The following PITPNM2 variants were observed in gnomAD, a reference collection of about 807,000 sequenced individuals.
PITPNM2 encodes membrane-associated phosphatidylinositol transfer protein 2.
PITPNM2 carries 35 observed loss-of-function variants against 132.2 expected under a neutral mutation model. The observed-to-expected ratio is 0.26, with a 90% CI of 0.20 to 0.35. The LOEUF (loss-of-function observed/expected upper bound fraction) is 0.35. Among genes scored for constraint, PITPNM2 ranks in the 10% least tolerant of loss-of-function variants. The probability of loss-of-function intolerance (pLI) is 1.00; values close to 1 mark genes in which losing one functional copy is unlikely to be tolerated. For missense variants in PITPNM2, 1,332 were observed against 1,912.0 expected, an observed-to-expected ratio of 0.70 and a Z score of 5.66; for synonymous variants, 738 against 799.2, an observed-to-expected ratio of 0.92 and a Z score of 1.29.
At chr12:123,151,201 G>A (rs1449467313), upstream of PITPNM2, among the ~76,000 whole-genome samples, 6 of 146,552 alleles carry the variant, frequency 4.1e-5, no homozygotes, top group Non-Finnish European at 7.6e-5. Context: ...GCGGAGTCTC[G>A]GCCCGGCCCC....
chr12:123,120,812 A>C (rs903067437), intron 1 of PITPNM2, among the ~76,000 whole-genome samples: 3 of 152,178 alleles, frequency 2.0e-5, no homozygotes, highest in Non-Finnish European at 2.9e-5. Flanking sequence ...ATGTCATTCT[A>C]AACAAACATC....
intron 20 of PITPNM2, 62 bp downstream of exon 20, chr12:122,988,172 T>C (rs930005076): frequency 2.1e-6 from 3 of 1,411,402 alleles, no homozygotes; most frequent in Non-Finnish European, 3.0e-6. Flanking sequence ...TTTCCTCATC[T>C]GGACACGGAG....
intron 1 of PITPNM2, among the ~76,000 whole-genome samples, chr12:123,131,620 C>T: frequency 6.6e-6 from 1 of 152,214 alleles, no homozygotes; most frequent in East Asian, 1.9e-4. Flanking sequence ...AGTCTGGTTC[C>T]ATCTGGAATC....
chr12:123,050,051 G>A (rs916373579), intron 2 of PITPNM2, among the ~76,000 whole-genome samples: 4 of 152,222 alleles, frequency 2.6e-5, no homozygotes, highest in South Asian at 2.1e-4. Flanking sequence ...TCTTGACAGC[G>A]TCTGTGACTC....
Position 122,997,510 on chromosome 12 carries a change from C to T in PITPNM2, c.1287G>A (p.Leu429=). ...CTGTGTCCAGGATGGTGCCTCCGTG[C>T]AGCACCAGTAGCAGCACGTGGATCT... ...PSKIHVLLLV[L]HGGTILDTGA... is the part of the protein sequence containing the mutation. The change falls in exon 11 of 26, where the codon CTG becomes CTA. Residue 429 remains leucine (L), a synonymous_variant. Transcript: ENST00000320201. 6.2e-7 allele frequency: 1 copy of T among 1,613,394 alleles called. No homozygotes were observed. The highest frequency in any genetic ancestry group is 8.5e-7 in the Non-Finnish European group (1 of 1,179,946).
chr12:123,047,768 TG>T (rs1480916714), intron 2 of PITPNM2, among the ~76,000 whole-genome samples: 3 of 150,818 alleles, frequency 2.0e-5, no homozygotes, highest in Non-Finnish European at 3.0e-5. Context: ...AAAAAAAGGG[TG>T]GGGGGAACCT....
chr12:123,142,610 C>T (rs1359453813), intron 1 of PITPNM2, among the ~76,000 whole-genome samples: 5 of 152,202 alleles, frequency 3.3e-5, no homozygotes, highest in East Asian at 3.8e-4. Flanking sequence ...CCACAATAAA[C>T]GTTTGGCCTG....
chr12:123,022,779 C>T lies in PITPNM2; in HGVS notation c.79-8737G>A, dbSNP rs2039719164. Among the ~76,000 whole-genome samples the T allele has an allele frequency of 6.6e-6, 1 of 152,222 alleles. No homozygotes were observed. The highest frequency in any genetic ancestry group is 1.5e-5 in the Non-Finnish European group (1 of 68,040). On this transcript the variant is annotated intron_variant, in intron 3 of 25. Coordinates refer to ENST00000320201, the MANE Select transcript of PITPNM2 (RefSeq NM_020845.3). The surrounding 1 kb of genome is among the most constrained non-coding windows in gnomAD (Gnocchi z 4.9). ...GAACCCCCAACCCCTACCTAATAGG[C>T]ACCAGGCATGGTGGGTAGCTGGTCT... is the stretch of plus-strand genomic sequence containing the variant.
intron 2 of PITPNM2, among the ~76,000 whole-genome samples, chr12:123,057,170 T>A (rs56156212): frequency 0.019 from 2,939 of 152,054 alleles, 48 homozygotes; most frequent in South Asian, 0.062. Context: ...CACCTGAGGT[T>A]GGGAGTTCAA....
chr12:123,058,816 A>G lies in PITPNM2; in HGVS notation c.-95-24131T>C, dbSNP rs1376287760. 6.6e-6 allele frequency among the ~76,000 whole-genome samples: 1 copy of G among 151,984 alleles called. No homozygotes were observed. Among genetic ancestry groups the G allele is most frequent in the East Asian group, 1.9e-4 (1 of 5,192 alleles). On this transcript the variant is annotated intron_variant, in intron 2 of 25. Transcript: ENST00000320201. This position sits in a 1 kb window ranked among gnomAD's most constrained non-coding sequence, Gnocchi z 4.0. The stretch of plus-strand genomic sequence containing the variant: ...CTTTCCCACGGGGTCCACCTGGAAA[A>G]TTCTCGAAGTGTCTATTAAGAATCA...
At chr12:122,986,393 C>A in intron 25 of PITPNM2, 43 bp from the exon 26 acceptor site, 1 of 1,565,804 alleles carries the variant, frequency 6.4e-7, no homozygotes, top group East Asian at 2.3e-5. Context: ...TGGGGCTCCC[C>A]GAGCTGCCCG....
intron 2 of PITPNM2, chr12:123,090,952 C>T (rs1007867884): frequency 2.0e-5 from 3 of 152,308 alleles, no homozygotes; most frequent in Non-Finnish European, 4.4e-5. Context: ...ACCTGAGCCT[C>T]TTGTCCAGCC....
Position 122,985,841 on chromosome 12 carries a change from G to T in PITPNM2, c.*186C>A. On this transcript the variant is annotated 3_prime_UTR_variant, in exon 26 of 26. Coordinates refer to ENST00000320201, the MANE Select transcript of PITPNM2 (RefSeq NM_020845.3). ...TCCCTGCCAGCTTCCATGACAAGCCGGACCCGTCAGGCCCGAGGACGTGAG... is the reference window on the plus strand; with the variant it reads ...TCCCTGCCAGCTTCCATGACAAGCCTGACCCGTCAGGCCCGAGGACGTGAG... 3.9e-6 allele frequency: 2 copies of T among 512,100 alleles called. No homozygotes were observed. The highest frequency in any genetic ancestry group is 6.3e-6 in the Non-Finnish European group (2 of 318,100). 31.7% of individuals were successfully genotyped at this position (512,100 alleles called of 1,614,324 possible).
Position 123,095,664 on chromosome 12 carries a change from C to T in PITPNM2, c.-96+14721G>A, listed in dbSNP as rs1341790912. ...GCTCCTTAACTAGGGCACGAGGCCC[C>T]CAACCTGGTCCTCCCTGCAGCTCAG... On this transcript the variant is annotated intron_variant, in intron 2 of 25. Coordinates refer to ENST00000320201, the MANE Select transcript of PITPNM2 (RefSeq NM_020845.3). The surrounding 1 kb of genome is among the most constrained non-coding windows in gnomAD (Gnocchi z 5.0). 6.6e-6 allele frequency among the ~76,000 whole-genome samples: 1 copy of T among 152,192 alleles called. No homozygotes were observed. The highest frequency in any genetic ancestry group is 1.5e-5 in the Non-Finnish European group (1 of 68,022).
chr12:123,007,528 C>T, intron 6 of PITPNM2: 1 of 376,650 alleles, frequency 2.7e-6, no homozygotes, highest in Non-Finnish European at 5.2e-6. Flanking sequence ...AGGCTGGTCT[C>T]CTGTGTACCC....
At chr12:123,011,094 CAT>C (rs1201172697) in intron 5 of PITPNM2, among the ~76,000 whole-genome samples, 2 of 152,214 alleles carry the variant, frequency 1.3e-5, no homozygotes, top group East Asian at 3.8e-4. Context: ...TCCCGAGGCA[CAT>C]GTGTGTTGGG....
At chr12:123,119,935 A>G (rs1237632217) in intron 1 of PITPNM2, among the ~76,000 whole-genome samples, 1 of 151,946 alleles carries the variant, frequency 6.6e-6, no homozygotes, top group African/African-American at 2.4e-5. Context: ...CTTGCCACCC[A>G]CGTGAGGAGG....
At chr12:123,109,364 A>G (rs918491693) in intron 2 of PITPNM2, among the ~76,000 whole-genome samples, 2 of 152,206 alleles carry the variant, frequency 1.3e-5, no homozygotes, top group Non-Finnish European at 2.9e-5. Flanking sequence ...AAATGGAAAG[A>G]AGCTTGGGAG....
In PITPNM2 at chr12:122,993,772, G is replaced by C. The variant is rs1235861609; in HGVS notation, c.2233+1029C>G. Among the ~76,000 whole-genome samples the C allele has an allele frequency of 6.6e-6, 1 of 152,256 alleles. No homozygotes were observed. The highest frequency in any genetic ancestry group is 1.5e-5 in the Non-Finnish European group (1 of 68,044). ...CTCCATGGGGCTGCCTTGGTTGTTG[G>C]GGTCCCCTTAAAGCTACCCATTTCT... On this transcript the variant is annotated intron_variant, in intron 15 of 25. Transcript: ENST00000320201. The surrounding 1 kb of genome is among the most constrained non-coding windows in gnomAD (Gnocchi z 5.2).
Sources: allele counts gnomAD v4.1 joint callset (sites outside exome capture counted in the v4.1 genomes callset), GRCh38; gene constraint gnomAD v4.1.1; non-coding constraint Gnocchi (gnomAD v3.1); transcripts MANE v1.5; gene names NCBI Gene and HGNC (gene_info 2026-07-23, HGNC 2026-07-21).